The following TSHR variants were observed in gnomAD, a reference collection of about 807,000 sequenced individuals.
TSHR encodes the protein thyrotropin receptor.
A neutral mutation model predicts 64.1 loss-of-function variants in TSHR; 51 were observed. That is an observed-to-expected ratio of 0.80 (90% CI 0.64 to 1.01). The LOEUF is 1.01. Among genes scored for constraint, TSHR ranks in the 50% least tolerant of loss-of-function variants. The pLI is 0.00. For missense variants in TSHR, 877 were observed against 942.8 expected, an observed-to-expected ratio of 0.93 and a Z score of 0.91; for synonymous variants, 361 against 361.9, an observed-to-expected ratio of 1.00 and a Z score of 0.03.
chr14:80,974,271 G>A (rs947089600), intron 1 of TSHR, among the ~76,000 whole-genome samples: 2 of 152,168 alleles, frequency 1.3e-5, no homozygotes, highest in Non-Finnish European at 1.5e-5. Context: ...TTATTAGGAA[G>A]AGCAACACTT....
chr14:81,121,254 G>A (rs370804604), intron 8 of TSHR, among the ~76,000 whole-genome samples: 6 of 152,048 alleles, frequency 3.9e-5, no homozygotes, highest in African/African-American at 1.2e-4. Flanking sequence ...AATTAAAGGC[G>A]TCTAGACAGA....
intron 8 of TSHR, among the ~76,000 whole-genome samples, chr14:81,114,517 T>G (rs1302141275): frequency 1.3e-5 from 2 of 151,980 alleles, no homozygotes; most frequent in African/African-American, 2.4e-5. Context: ...CGCACCTGGC[T>G]CGGAGGGTCC....
At chr14:81,068,400 A>G in intron 3 of TSHR, 72 bp downstream of exon 3, 1 of 1,416,002 alleles carries the variant, frequency 7.1e-7, no homozygotes, top group Non-Finnish European at 9.9e-7. Flanking sequence ...GGGGCTCCAG[A>G]TGGCAATGGG....
intron 1 of TSHR, chr14:80,994,763 A>C (rs1888920980): frequency 6.6e-6 from 1 of 152,268 alleles, no homozygotes; most frequent in Admixed American, 6.5e-5. Flanking sequence ...GTAAAACCCA[A>C]AACTGTAAAA....
chr14:80,964,836 G>A (rs1218243056), intron 1 of TSHR, among the ~76,000 whole-genome samples: 2 of 152,158 alleles, frequency 1.3e-5, no homozygotes, highest in Non-Finnish European at 2.9e-5. Flanking sequence ...TGACCTTTGT[G>A]TGGCAAGCTG....
At chr14:81,106,808 G>A (rs1448608701) in intron 7 of TSHR, among the ~76,000 whole-genome samples, 1 of 151,936 alleles carries the variant, frequency 6.6e-6, no homozygotes, top group Admixed American at 6.6e-5. Context: ...AGTCAGGCAT[G>A]ATGGCGATCG....
At chr14:81,021,729 A>G (rs952010847) in intron 1 of TSHR, among the ~76,000 whole-genome samples, 2 of 152,198 alleles carry the variant, frequency 1.3e-5, no homozygotes, top group African/African-American at 2.4e-5. Context: ...TCTTTTTATT[A>G]CAGTTCTTAC....
chr14:81,032,641 C>A, intron 1 of TSHR: 1 of 421,786 alleles, frequency 2.4e-6, no homozygotes, highest in South Asian at 2.1e-5. Flanking sequence ...ATGAATTGAA[C>A]AGGAAGATAG....
intron 1 of TSHR, among the ~76,000 whole-genome samples, chr14:81,036,920 A>T (rs28665858): frequency 0.095 from 14,446 of 152,146 alleles, 2,299 homozygotes; most frequent in African/African-American, 0.33. Flanking sequence ...AGGTGGGTGG[A>T]TCACCTGAGG....
chr14:81,112,738 T>C (rs969594091), intron 8 of TSHR, among the ~76,000 whole-genome samples: 1 of 152,046 alleles, frequency 6.6e-6, no homozygotes, highest in Admixed American at 6.6e-5. Context: ...ATCAAGAAGG[T>C]GGCAATTCAG....
intron 1 of TSHR, among the ~76,000 whole-genome samples, chr14:80,973,455 A>G (rs1465376073): frequency 6.8e-6 from 1 of 146,128 alleles, no homozygotes; most frequent in Non-Finnish European, 1.5e-5. Flanking sequence ...TCAGAGGCTT[A>G]GAGCTACCAA....
chr14:81,066,981 T>C (rs999023346), intron 2 of TSHR, among the ~76,000 whole-genome samples: 1 of 152,224 alleles, frequency 6.6e-6, no homozygotes, highest in Non-Finnish European at 1.5e-5. Context: ...CCTTATATGT[T>C]CTTGACAAGT....
At chr14:81,136,709 G>A (rs1891468578) in intron 8 of TSHR, among the ~76,000 whole-genome samples, 1 of 152,102 alleles carries the variant, frequency 6.6e-6, no homozygotes, top group African/African-American at 2.4e-5. Context: ...AACAATTATT[G>A]AGCACCTACC....
At chr14:81,029,993 T>C (rs1156913412) in intron 1 of TSHR, among the ~76,000 whole-genome samples, 2 of 152,224 alleles carry the variant, frequency 1.3e-5, no homozygotes, top group South Asian at 2.1e-4. Context: ...GTGAGAGTTC[T>C]GCACAAAGGC....
At chr14:80,983,829 C>T (rs1218994932) in intron 1 of TSHR, among the ~76,000 whole-genome samples, 1 of 152,208 alleles carries the variant, frequency 6.6e-6, no homozygotes, top group Non-Finnish European at 1.5e-5. Context: ...AATATCATAT[C>T]ACTGGCTGAA....
intron 8 of TSHR, among the ~76,000 whole-genome samples, chr14:81,114,766 A>G (rs2140048126): frequency 6.6e-6 from 1 of 152,314 alleles, no homozygotes. Context: ...ACCTCCGCAG[A>G]CTTAAATGTC....
rs1287481440 is a variant in TSHR, at chr14:80,976,275, C to T, written c.170+20425C>T. On this transcript the variant is annotated intron_variant, in intron 1 of 9. Coordinates refer to ENST00000298171, the MANE Select transcript of TSHR (RefSeq NM_000369.5). ...TGCAAGATACAGATCTGGTTCTCCA[C>T]ATACCTTTGGGGAACAGGTTATCCA... 2.6e-5 allele frequency among the ~76,000 whole-genome samples: 4 copies of T among 152,184 alleles called. No individual in the cohort carries two copies. The East Asian group carries it at 7.7e-4, about 29-fold the overall frequency.
At chr14:81,105,784 CTG>C (rs1889850886) in intron 7 of TSHR, among the ~76,000 whole-genome samples, 1 of 152,160 alleles carries the variant, frequency 6.6e-6, no homozygotes, top group Non-Finnish European at 1.5e-5. Context: ...AGAGGAAAAA[CTG>C]AGATGAGTTC....
At chr14:81,007,593 T>C (rs1481590316) in intron 1 of TSHR, among the ~76,000 whole-genome samples, 1 of 152,220 alleles carries the variant, frequency 6.6e-6, no homozygotes, top group South Asian at 2.1e-4. Context: ...GTTGTTGACA[T>C]TGATCACCTG....
Sources: allele counts gnomAD v4.1 joint callset (sites outside exome capture counted in the v4.1 genomes callset), GRCh38; gene constraint gnomAD v4.1.1; transcripts MANE v1.5; gene names NCBI Gene and HGNC (gene_info 2026-07-23, HGNC 2026-07-21).